Variants in SLC6A16 observed in about 807,000 individuals in gnomAD.
The protein encoded by SLC6A16 is orphan sodium- and chloride-dependent neurotransmitter transporter NTT5.
SLC6A16 carries 54 observed loss-of-function variants against 65.4 expected under a neutral mutation model. The ratio of observed to expected loss-of-function variants is 0.83; its 90% CI spans 0.66 to 1.04. The LOEUF is 1.04. SLC6A16 is among the 50% of genes least tolerant of loss of function. SLC6A16 has a pLI of 0.00. For missense variants in SLC6A16, 816 were observed against 914.0 expected (o/e 0.89, Z 1.38); for synonymous variants, 330 against 346.5 (o/e 0.95, Z 0.53).
At chr19:49,317,301 A>G (rs1437857674) in intron 1 of SLC6A16, among the ~76,000 whole-genome samples, 1 of 152,136 alleles carries the variant, frequency 6.6e-6, no homozygotes, top group Non-Finnish European at 1.5e-5. Flanking sequence ...AGATTGCACC[A>G]CTGCACTCCA....
the SLC6A16 span, chr19:49,337,494 C>A: frequency 1.6e-6 from 1 of 632,402 alleles, no homozygotes; most frequent in Non-Finnish European, 2.6e-6. Context: ...TGATGGTGTG[C>A]ACCTGGGGTC....
chr19:49,330,272 G>A, the SLC6A16 span, among the ~76,000 whole-genome samples: 1 of 152,182 alleles, frequency 6.6e-6, no homozygotes, highest in Non-Finnish European at 1.5e-5. Flanking sequence ...TACAGCCAAA[G>A]GCAGAGGTTA....
rs368710328 is a variant in SLC6A16 at position 49,293,270 on chromosome 19, A to G, written c.1731T>C (p.Val577=). The G allele has an allele frequency of 2.0e-5, 32 of 1,614,034 alleles. No individual in the cohort carries two copies. The highest frequency in any genetic ancestry group is 6.6e-5 in the South Asian group (6 of 91,090). The stretch of plus-strand genomic sequence containing the variant: ...ATACAGCCATGGTTTCAAATACGAC[A>G]ACGACGATGATGGGGAAGACTATCC... ...DYWIVFPIIV[V]VVFETMAVSW... is the part of the protein sequence containing the mutation. Residue 577 remains valine (V), a synonymous_variant, in exon 10 of 12, where the codon GTT becomes GTC. Transcript: ENST00000335875.
At chr19:49,321,463 C>A (rs1167793210) in intron 1 of SLC6A16, among the ~76,000 whole-genome samples, 2 of 151,902 alleles carry the variant, frequency 1.3e-5, no homozygotes, top group African/African-American at 4.8e-5. Flanking sequence ...GGGCCAGGTG[C>A]AGTGGCTCAC....
At position 49,310,122 on chromosome 19, in the gene SLC6A16, C is replaced by T; in HGVS notation, c.618G>A (p.Trp206Ter). 1 of 1,613,984 alleles carries T rather than the reference C, an allele frequency of 6.2e-7. No individual in the cohort carries two copies. The highest frequency in any genetic ancestry group is 8.5e-7 in the Non-Finnish European group (1 of 1,180,008). ...LGLYFNVVNS[W>*]IIFYMSQSFQ... is the part of the protein sequence containing the mutation. The stretch of plus-strand genomic sequence containing the variant: ...AGGACTGGCTCATGTAGAAGATGAT[C>T]CAGGAATTGACCACATTGAAGTACA... The change falls in exon 4 of 12, where the codon TGG (tryptophan) becomes TGA (stop). Residue 206 changes from tryptophan to a stop codon, truncating the protein, a stop_gained. Transcript: ENST00000335875. LOFTEE classifies it high-confidence loss of function.
chr19:49,338,723 C>G, the SLC6A16 span: 2 of 1,612,260 alleles, frequency 1.2e-6, no homozygotes, highest in Admixed American at 1.7e-5. The surrounding 1 kb of genome is among the most constrained non-coding windows in gnomAD (Gnocchi z 5.0). Flanking sequence ...GCTGGCACTA[C>G]CCGCAGGACT....
intron 1 of SLC6A16, among the ~76,000 whole-genome samples, chr19:49,323,362 G>T (rs1215857045): frequency 6.6e-6 from 1 of 151,844 alleles, no homozygotes; most frequent in East Asian, 1.9e-4. Context: ...AAACAAACAG[G>T]ATTTCATTAA....
intron 1 of SLC6A16, among the ~76,000 whole-genome samples, chr19:49,323,667 C>T (rs1330997637): frequency 6.6e-6 from 1 of 152,134 alleles, no homozygotes; most frequent in East Asian, 1.9e-4. Flanking sequence ...TGAGATAATA[C>T]CTCGCATCCA....
chr19:49,331,596 A>C, the SLC6A16 span: 1 of 362,476 alleles, frequency 2.8e-6, no homozygotes, highest in Non-Finnish European at 5.5e-6. Context: ...TAGTAGCTTA[A>C]TACAACAGGT....
At chr19:49,321,579 T>C (rs867686886) in intron 1 of SLC6A16, among the ~76,000 whole-genome samples, 1 of 152,018 alleles carries the variant, frequency 6.6e-6, no homozygotes, top group Non-Finnish European at 1.5e-5. Context: ...CTACTAAAAA[T>C]ACAAAAATTA....
At chr19:49,316,345 C>T (rs1970612914) in intron 1 of SLC6A16, among the ~76,000 whole-genome samples, 1 of 151,980 alleles carries the variant, frequency 6.6e-6, no homozygotes, top group Admixed American at 6.6e-5. Flanking sequence ...CCCCAAAAGA[C>T]AAGTCTATGA....
At chr19:49,324,977 G>A (rs538386423) in intron 1 of SLC6A16, 71 bp downstream of exon 1, 45 of 951,938 alleles carry the variant, frequency 4.7e-5, no homozygotes, top group Non-Finnish European at 5.6e-5. Flanking sequence ...CCCGGGCCTC[G>A]AAAATGGCGC....
intron 3 of SLC6A16, 43 bp downstream of exon 3, chr19:49,310,310 G>A: frequency 1.2e-6 from 2 of 1,609,576 alleles, no homozygotes; most frequent in Non-Finnish European, 1.7e-6. Flanking sequence ...TGGGATGGCG[G>A]TGGGGTGTAA....
At chr19:49,314,567 G>T (rs1407826057) in intron 1 of SLC6A16, among the ~76,000 whole-genome samples, 1 of 152,094 alleles carries the variant, frequency 6.6e-6, no homozygotes, top group Non-Finnish European at 1.5e-5. Context: ...ATTTGATGGG[G>T]ACAGGATAAT....
chr19:49,338,065 C>T, the SLC6A16 span: 15 of 1,604,882 alleles, frequency 9.3e-6, no homozygotes, highest in Middle Eastern at 1.7e-4. The surrounding 1 kb of genome is among the most constrained non-coding windows in gnomAD (Gnocchi z 5.0). Flanking sequence ...CCCGGACTGA[C>T]CCGCCTCAGC....
At position 49,311,233 on chromosome 19, in the gene SLC6A16, T is replaced by C; in HGVS notation, c.115A>G (p.Thr39Ala). Residue 39 changes from threonine to alanine, a missense_variant, in exon 2 of 12, where the codon ACC (threonine) becomes GCC (alanine). Transcript: ENST00000335875. ...SQTWEDKGSL[T>A]RSATSWTSEA... ...GAGGTCCAAGATGTTGCAGACCGGG[T>C]CAATGAACCCTTGTCTTCCCACGTT... 5 of 1,614,024 alleles carry C rather than the reference T, an allele frequency of 3.1e-6. No homozygotes were observed. Among genetic ancestry groups the C allele is most frequent in the Non-Finnish European group, 4.2e-6 (5 of 1,180,000 alleles).
At chr19:49,334,186 CAG>C in the SLC6A16 span, among the ~76,000 whole-genome samples, 1 of 152,162 alleles carries the variant, frequency 6.6e-6, no homozygotes, top group South Asian at 2.1e-4. Context: ...AAGGGGGAGA[CAG>C]AGAAAAGAAG....
At chr19:49,299,564 G>GAA (rs1970248130) in intron 7 of SLC6A16, among the ~76,000 whole-genome samples, 2 of 36,166 alleles carry the variant, frequency 5.5e-5, no homozygotes, top group Admixed American at 5.6e-4. Flanking sequence ...GAAAGAAAGA[G>GAA]AAAGCTGAAA....
At chr19:49,329,293 T>A (rs540881325), upstream of SLC6A16, among the ~76,000 whole-genome samples, 2 of 152,158 alleles carry the variant, frequency 1.3e-5, no homozygotes, top group South Asian at 4.2e-4. Context: ...TTCACTATGT[T>A]GGTCAGGCTG....
Sources: allele counts gnomAD v4.1 joint callset (sites outside exome capture counted in the v4.1 genomes callset), GRCh38; gene constraint gnomAD v4.1.1; non-coding constraint Gnocchi (gnomAD v3.1); transcripts MANE v1.5; gene names NCBI Gene and HGNC (gene_info 2026-07-23, HGNC 2026-07-21).